CMTM4: variants seen among roughly 807,000 people sequenced by gnomAD.
CMTM4 encodes the protein CKLF like MARVEL transmembrane domain containing 4.
In CMTM4, 8 loss-of-function variants were observed where a neutral mutation model predicts 19.0. The ratio of observed to expected loss-of-function variants is 0.42; its 90% CI spans 0.25 to 0.76. CMTM4 has a LOEUF of 0.76. Ranked by LOEUF, CMTM4 falls within the 30% of genes least tolerant of loss-of-function variation. The pLI is 0.27. For missense variants in CMTM4, 228 were observed against 290.2 expected (o/e 0.79, Z 1.56); for synonymous variants, 106 against 121.1 (o/e 0.88, Z 0.82).
chr16:66,667,936 C>T (rs778158762), intron 1 of CMTM4, among the ~76,000 whole-genome samples: 3 of 151,622 alleles, frequency 2.0e-5, no homozygotes, highest in Non-Finnish European at 4.4e-5. Flanking sequence ...CTTCTGTTTT[C>T]TTTGCTTTAT....
chr16:66,625,121 C>T (rs355950), intron 2 of CMTM4, among the ~76,000 whole-genome samples: 14,398 of 152,156 alleles, frequency 0.095, 948 homozygotes, highest in East Asian at 0.27. Flanking sequence ...TACATAAAAA[C>T]AGAGATGCAG....
rs368027398 is a variant in CMTM4, at chr16:66,647,700, T to C, written c.187-11119A>G. Among the ~76,000 whole-genome samples the C allele has an allele frequency of 7.6e-4, 116 of 152,146 alleles. 1 individual carries two copies. In the South Asian group the frequency reaches 0.022, roughly 29 times the overall value. The stretch of plus-strand genomic sequence containing the variant: ...CACCAGAGAACCTAACTTCAAACTA[T>C]TGTTCTTTCTTTTTTTAAAAAAAAA... On this transcript the variant is annotated intron_variant, in intron 1 of 3. Coordinates refer to ENST00000394106, the MANE Select transcript of CMTM4 (RefSeq NM_181521.3).
chr16:66,667,632 G>A (rs974525015), intron 1 of CMTM4, among the ~76,000 whole-genome samples: 3 of 152,208 alleles, frequency 2.0e-5, no homozygotes, highest in Admixed American at 6.5e-5. Context: ...GCTCATGCCT[G>A]TAACCCCGGC....
chr16:66,620,008 T>C lies in CMTM4; in HGVS notation c.*2050A>G. The C allele has an allele frequency of 1.0e-6, 1 of 985,438 alleles. No homozygotes were observed. The highest frequency in any genetic ancestry group is 1.2e-6 in the Non-Finnish European group (1 of 829,924). The allele number at this position is 985,438 out of a possible 1,614,324, so 61.0% of individuals were successfully genotyped here. A position where few individuals can be genotyped will look rare whatever the true frequency, so the allele number is the denominator to read the frequency against. ...CCACCTGCCCCCCTCTTTCACCAGATGATCAAGTGGTTTTACTGAAGTGAG... is the reference window on the plus strand; with the variant it reads ...CCACCTGCCCCCCTCTTTCACCAGACGATCAAGTGGTTTTACTGAAGTGAG... On this transcript the variant is annotated 3_prime_UTR_variant, in exon 4 of 4. Transcript: ENST00000394106.
rs1596972862 is a variant in CMTM4 at position 66,696,227 on chromosome 16, A to G, written c.186+113T>C. On this transcript the variant is annotated intron_variant, in intron 1 of 3. Transcript: ENST00000394106. This position sits in a 1 kb window ranked among gnomAD's most constrained non-coding sequence, Gnocchi z 4.3. Reference sequence around the variant, plus strand: ...CCCACGAGGGAGAGGGGGCGCGAGGAGCGGGCTCCGGCCTGGGCAAGCGGG... The same window carrying G: ...CCCACGAGGGAGAGGGGGCGCGAGGGGCGGGCTCCGGCCTGGGCAAGCGGG... The G allele has an allele frequency of 5.6e-6, 4 of 718,878 alleles. No homozygotes were observed. The highest frequency in any genetic ancestry group is 3.7e-5 in the African/African-American group (2 of 53,408). The allele number at this position is 718,878 out of a possible 1,614,324, so 44.5% of individuals were successfully genotyped here.
At chr16:66,607,819 G>A in the CMTM4 span, among the ~76,000 whole-genome samples, 1 of 151,690 alleles carries the variant, frequency 6.6e-6, no homozygotes, top group African/African-American at 2.4e-5. Context: ...ATAGGTGTGA[G>A]CCTGGGCCAT....
the CMTM4 span, among the ~76,000 whole-genome samples, chr16:66,606,398 T>G: frequency 3.3e-5 from 5 of 152,224 alleles, no homozygotes; most frequent in East Asian, 7.8e-4. Flanking sequence ...AAGGCCTTCC[T>G]GGGAGGCCCC....
At chr16:66,675,477 A>AC (rs397721736) in intron 1 of CMTM4, among the ~76,000 whole-genome samples, 2 of 148,818 alleles carry the variant, frequency 1.3e-5, no homozygotes, top group East Asian at 1.9e-4. Flanking sequence ...AAAAAAAAAA[A>AC]CCTGCAGGCC....
At position 66,622,510 on chromosome 16, in the gene CMTM4, G is replaced by C. The variant is rs1344261762; in HGVS notation, c.463-288C>G. Among the ~76,000 whole-genome samples the C allele has an allele frequency of 6.6e-6, 1 of 152,220 alleles. No individual in the cohort carries two copies. The highest frequency in any genetic ancestry group is 1.5e-5 in the Non-Finnish European group (1 of 68,032). ...TGAGTCTCTAGTCATGTGACACACAGAAAATCTTGCCTGACCTAAAGACAG... is the reference window on the plus strand; with the variant it reads ...TGAGTCTCTAGTCATGTGACACACACAAAATCTTGCCTGACCTAAAGACAG... On this transcript the variant is annotated intron_variant, in intron 3 of 3. Transcript: ENST00000394106. The surrounding 1 kb of genome is among the most constrained non-coding windows in gnomAD (Gnocchi z 4.0).
In CMTM4 at chr16:66,636,449, G is replaced by A; in HGVS notation, c.319C>T (p.Leu107Phe). 1 of 1,614,124 alleles carries A rather than the reference G, an allele frequency of 6.2e-7. No homozygotes were observed. The highest frequency in any genetic ancestry group is 8.5e-7 in the Non-Finnish European group (1 of 1,180,010). Residue 107 changes from leucine (L) to phenylalanine (F), a missense_variant, in exon 2 of 4, where the codon CTC becomes TTC. Around this residue, in one of 3 missense-constraint regions of CMTM4, gnomAD observed 200 missense variants for 226.6 expected, o/e 0.88. Coordinates refer to ENST00000394106, the MANE Select transcript of CMTM4 (RefSeq NM_181521.3). ...TGGGGGATCCTCATGTGCAGGTTGAGACTGAACATAATCAGCAAGACGCCA... is the reference window on the plus strand; with the variant it reads ...TGGGGGATCCTCATGTGCAGGTTGAAACTGAACATAATCAGCAAGACGCCA... ...VTGVLLIMFS[L>F]NLHMRIPQIN...
rs2016133765 is a variant in CMTM4, at chr16:66,643,500, T to G, written c.187-6919A>C. On this transcript the variant is annotated intron_variant, in intron 1 of 3. Coordinates refer to ENST00000394106, the MANE Select transcript of CMTM4 (RefSeq NM_181521.3). ...TTTGAAACATACGGAGCCAGAAGCT[T>G]GTCTGTGGGAAATTCTTCAGATCAT... Among the ~76,000 whole-genome samples, 3 of 152,180 alleles carry G rather than the reference T, an allele frequency of 2.0e-5. No homozygotes were observed. In the South Asian group the frequency reaches 6.2e-4, roughly 32 times the overall value.
chr16:66,648,086 T>C (rs1200798046), intron 1 of CMTM4, among the ~76,000 whole-genome samples: 1 of 152,214 alleles, frequency 6.6e-6, no homozygotes, highest in East Asian at 1.9e-4. Flanking sequence ...ATCCTTTGAA[T>C]TTGTGTGGGG....
downstream of CMTM4, chr16:66,610,144 T>A: frequency 9.5e-7 from 1 of 1,047,314 alleles, no homozygotes. The surrounding 1 kb of genome is among the most constrained non-coding windows in gnomAD (Gnocchi z 4.6). Flanking sequence ...CATTCTCACC[T>A]ACCCTCATGC....
chr16:66,696,276 G>A lies in CMTM4; in HGVS notation c.186+64C>T. On this transcript the variant is annotated intron_variant, in intron 1 of 3. Coordinates refer to ENST00000394106, the MANE Select transcript of CMTM4 (RefSeq NM_181521.3). The surrounding 1 kb of genome is among the most constrained non-coding windows in gnomAD (Gnocchi z 4.3). ...GGTACGCGGCGGAGGCCCCGCAGCGGGGCGGGGAGGGAGGCGTGCGGCTAG... is the reference window on the plus strand; with the variant it reads ...GGTACGCGGCGGAGGCCCCGCAGCGAGGCGGGGAGGGAGGCGTGCGGCTAG... 3 of 1,156,306 alleles carry A rather than the reference G, an allele frequency of 2.6e-6. No homozygotes were observed. The highest frequency in any genetic ancestry group is 3.3e-6 in the Non-Finnish European group (3 of 908,126). The allele number at this position is 1,156,306 out of a possible 1,614,324, so 71.6% of individuals were successfully genotyped here. A position where few individuals can be genotyped will look rare whatever the true frequency, so the allele number is the denominator to read the frequency against.
chr16:66,602,930 T>C, the CMTM4 span, among the ~76,000 whole-genome samples: 4 of 152,242 alleles, frequency 2.6e-5, no homozygotes, highest in African/African-American at 7.2e-5. Flanking sequence ...TCAGTCAATA[T>C]TGCAAACCAT....
chr16:66,647,535 T>C (rs2144832960), intron 1 of CMTM4, among the ~76,000 whole-genome samples: 1 of 151,634 alleles, frequency 6.6e-6, no homozygotes, highest in African/African-American at 2.4e-5. Context: ...CCATTGGGGG[T>C]AAGGAAGGTG....
At position 66,622,240 on chromosome 16, in the gene CMTM4, C is replaced by T. The variant is rs1229073081; in HGVS notation, c.463-18G>A. On this transcript the variant is annotated intron_variant, in intron 3 of 3. Coordinates refer to ENST00000394106, the MANE Select transcript of CMTM4 (RefSeq NM_181521.3). The surrounding 1 kb of genome is among the most constrained non-coding windows in gnomAD (Gnocchi z 4.0). ...CCAAATATCTAAAAACACACCAGCA[C>T]AGTTAGTCCTCGGGCACGTGGCCTG... 1.9e-6 allele frequency: 3 copies of T among 1,612,322 alleles called. No homozygotes were observed. The highest frequency in any genetic ancestry group is 3.3e-5 in the Admixed American group (2 of 59,822).
chr16:66,610,927 C>G (rs955879268), downstream of CMTM4: 1 of 398,628 alleles, frequency 2.5e-6, no homozygotes, highest in Non-Finnish European at 4.4e-6. The surrounding 1 kb of genome is among the most constrained non-coding windows in gnomAD (Gnocchi z 4.6). Context: ...TCATCCCATC[C>G]CGTCCCTTGG....
At chr16:66,643,113 G>T (rs2016127410) in intron 1 of CMTM4, among the ~76,000 whole-genome samples, 1 of 152,072 alleles carries the variant, frequency 6.6e-6, no homozygotes, top group South Asian at 2.1e-4. Flanking sequence ...TAGAGACAGG[G>T]TTTCGTCATG....
Sources: gnomAD v4.1 joint callset for allele counts (sites outside exome capture counted in the v4.1 genomes callset) on GRCh38, gnomAD v4.1.1 for gene constraint, gnomAD v4.1.1 regional missense constraint, Gnocchi (gnomAD v3.1) non-coding constraint, MANE v1.5 for transcripts, NCBI Gene and HGNC (gene_info 2026-07-23, HGNC 2026-07-21) for gene names.